Variants in DSC1 observed in about 807,000 individuals in gnomAD.
The protein encoded by DSC1 is desmocollin-1.
Under a neutral mutation model 98.8 loss-of-function variants are expected in DSC1, and 79 were observed. The ratio of observed to expected loss-of-function variants is 0.80; its 90% CI spans 0.67 to 0.96. DSC1 has a LOEUF of 0.96. DSC1 is among the 50% of genes least tolerant of loss of function. The pLI is 0.00. For synonymous variants in DSC1, 405 were observed against 372.1 expected (o/e 1.09, Z -1.02); for missense variants, 1,115 against 1,075.9 (o/e 1.04, Z -0.51).
At chr18:31,144,456 A>G (rs1293783611) in intron 7 of DSC1, among the ~76,000 whole-genome samples, 2 of 152,244 alleles carry the variant, frequency 1.3e-5, no homozygotes, top group Non-Finnish European at 2.9e-5. Flanking sequence ...ACTTAAAAAG[A>G]CATGAAAGAA....
At chr18:31,131,459 T>A in intron 15 of DSC1, 135 bp downstream of exon 15, 1 of 1,166,762 alleles carries the variant, frequency 8.6e-7, no homozygotes, top group Non-Finnish European at 1.2e-6. Context: ...AAACCAGACA[T>A]CCACATCTAT....
chr18:31,131,977 G>A, intron 14 of DSC1, 135 bp from the exon 15 acceptor site: 5 of 1,039,426 alleles, frequency 4.8e-6, no homozygotes, highest in Non-Finnish European at 6.9e-6. Context: ...CAGAATAATA[G>A]TATCATAGGT....
chr18:31,145,888 A>G (rs1177826640), intron 6 of DSC1, 111 bp from the exon 7 acceptor site: 3 of 1,157,936 alleles, frequency 2.6e-6, no homozygotes, highest in Non-Finnish European at 3.7e-6. Context: ...CCACAAGTAG[A>G]TTAGTTCTAC....
intron 11 of DSC1, among the ~76,000 whole-genome samples, chr18:31,137,791 A>G (rs1474928637): frequency 1.3e-5 from 2 of 152,170 alleles, no homozygotes; most frequent in Non-Finnish European, 2.9e-5. Context: ...TGAATTTCAG[A>G]CAGGAGGAGC....
At chr18:31,138,395 A>G (rs754335584) in intron 11 of DSC1, among the ~76,000 whole-genome samples, 1 of 152,202 alleles carries the variant, frequency 6.6e-6, no homozygotes, top group Non-Finnish European at 1.5e-5. Flanking sequence ...TTCTCACATC[A>G]TAGAATCTCT....
Position 31,150,394 on chromosome 18 carries a change from CATT to C in DSC1, c.628-1755_628-1753del, listed in dbSNP as rs1458145070. 2.5e-4 allele frequency among the ~76,000 whole-genome samples: 21 copies of C among 83,022 alleles called. 5 individuals carry two copies. Among genetic ancestry groups the C allele is most frequent in the South Asian group, 1.3e-3 (3 of 2,284 alleles). 54.5% of individuals were successfully genotyped at this position (83,022 alleles called of 152,430 possible). ...CCACCATCATCACCACCATCACCAC[CATT>C]ATCACCACCACCACATCATCACTGC... On this transcript the variant is annotated intron_variant, in intron 5 of 15. Coordinates refer to ENST00000257198, the MANE Select transcript of DSC1 (RefSeq NM_024421.2).
intron 2 of DSC1, 43 bp from the exon 3 acceptor site, chr18:31,157,616 G>A (rs1989126272): frequency 1.2e-6 from 2 of 1,607,772 alleles, no homozygotes; most frequent in African/African-American, 1.3e-5. Context: ...GATGAAACAG[G>A]AGTGGAACAA....
intron 7 of DSC1, among the ~76,000 whole-genome samples, chr18:31,144,930 CTTTTT>C (rs1988810690): frequency 8.0e-6 from 1 of 124,740 alleles, no homozygotes. Flanking sequence ...TCTGTATTTT[CTTTTT>C]CTTTCTTTTT....
chr18:31,154,817 A>C lies in DSC1; in HGVS notation c.584T>G (p.Phe195Cys). 6.2e-7 allele frequency: 1 copy of C among 1,613,998 alleles called. No homozygotes were observed. Among genetic ancestry groups the C allele is most frequent in the Non-Finnish European group, 8.5e-7 (1 of 1,179,934 alleles). Residue 195 changes from phenylalanine to cysteine, a missense_variant, in exon 5 of 16, where the codon TTT becomes TGT. Coordinates refer to ENST00000257198, the MANE Select transcript of DSC1 (RefSeq NM_024421.2). ...CTCACGGTCAATGCTCCTTGTACAA[A>C]AGATATCCCCAGTGTCTTTCTCTAT... ...FYIEKDTGDI[F>C]CTRSIDREKY... is the part of the protein sequence containing the mutation.
At chr18:31,159,179 G>A (rs1181516761) in intron 2 of DSC1, among the ~76,000 whole-genome samples, 1 of 100,806 alleles carries the variant, frequency 9.9e-6, no homozygotes, top group South Asian at 3.0e-4. Context: ...TCAGCCTCCC[G>A]AGTAGCTGGG....
intron 8 of DSC1, 69 bp from the exon 9 acceptor site, chr18:31,142,253 G>T (rs747011070): frequency 2.2e-5 from 32 of 1,482,666 alleles, no homozygotes; most frequent in Non-Finnish European, 4.5e-6. Flanking sequence ...TCTAAAACAC[G>T]TATTTAAAGA....
At chr18:31,135,877 T>C (rs1264519987) in intron 11 of DSC1, among the ~76,000 whole-genome samples, 1 of 152,134 alleles carries the variant, frequency 6.6e-6, no homozygotes, top group Non-Finnish European at 1.5e-5. Flanking sequence ...TTTTGAAACA[T>C]GTATGTTGAA....
At chr18:31,142,246 A>G in intron 8 of DSC1, 62 bp from the exon 9 acceptor site, 2 of 1,520,370 alleles carry the variant, frequency 1.3e-6, no homozygotes, top group Non-Finnish European at 8.9e-7. Context: ...TTTATATTCT[A>G]AAACACGTAT....
chr18:31,159,047 G>GTTTGTTTTTTTTTTTT (rs1989154864), intron 2 of DSC1, among the ~76,000 whole-genome samples: 2 of 71,098 alleles, frequency 2.8e-5, no homozygotes, highest in African/African-American at 5.8e-5. Flanking sequence ...CTACTATGTG[G>GTTTGTTTTTTTTTTTT]TTTTTTTTTT....
chr18:31,159,410 G>T (rs779472966), intron 2 of DSC1, 35 bp downstream of exon 2: 1 of 1,595,946 alleles, frequency 6.3e-7, no homozygotes, highest in South Asian at 1.1e-5. Flanking sequence ...AATGTGACAA[G>T]TTACAGCTAT....
chr18:31,144,990 G>A (rs1028610824), intron 7 of DSC1, among the ~76,000 whole-genome samples: 38 of 147,640 alleles, frequency 2.6e-4, no homozygotes, highest in African/African-American at 8.5e-4. Flanking sequence ...CCCAGGCTGG[G>A]GTGCAGTGGC....
intron 12 of DSC1, 141 bp downstream of exon 12, chr18:31,134,431 T>A (rs1406635456): frequency 5.9e-6 from 5 of 845,958 alleles, no homozygotes; most frequent in Non-Finnish European, 8.9e-6. Flanking sequence ...TAATTTTTTT[T>A]AAAGATTAGG....
chr18:31,159,406 A>G (rs1261396010), intron 2 of DSC1, 39 bp downstream of exon 2: 4 of 1,595,082 alleles, frequency 2.5e-6, no homozygotes, highest in Non-Finnish European at 3.4e-6. Flanking sequence ...GCTAAATGTG[A>G]CAAGTTACAG....
In DSC1 at chr18:31,134,066, T is replaced by G. The variant is rs1988553385; in HGVS notation, c.1941A>C (p.Gln647His). 1.2e-6 allele frequency: 2 copies of G among 1,611,644 alleles called. No homozygotes were observed. The highest frequency in any genetic ancestry group is 1.7e-5 in the Admixed American group (1 of 59,960). Residue 647 changes from glutamine to histidine, a missense_variant, in exon 13 of 16, where the codon CAA (glutamine) becomes CAC (histidine). Transcript: ENST00000257198. ...CAACTAAACCATGCCTGTCTTTTAT[T>G]TGAATAGGCACAGAATAATAGTTAT... ...LDYNYYSVPI[Q>H]IKDRHGLVAT... is the part of the protein sequence containing the mutation.
Sources: allele counts gnomAD v4.1 joint callset (sites outside exome capture counted in the v4.1 genomes callset), GRCh38; gene constraint gnomAD v4.1.1; transcripts MANE v1.5; gene names NCBI Gene and HGNC (gene_info 2026-07-23, HGNC 2026-07-21).